MYCBP2: variants seen among roughly 807,000 people sequenced by gnomAD.
MYCBP2 encodes E3 ubiquitin-protein ligase MYCBP2.
Under a neutral mutation model 525.3 loss-of-function variants are expected in MYCBP2, and 120 were observed. The ratio of observed to expected loss-of-function variants is 0.23; its 90% CI spans 0.20 to 0.27. The LOEUF (loss-of-function observed/expected upper bound fraction) is 0.27. MYCBP2 is among the 10% of genes least tolerant of loss of function. The pLI is 1.00. For missense variants in MYCBP2, 4,149 were observed against 5,657.1 expected, an observed-to-expected ratio of 0.73 and a Z score of 8.55; for synonymous variants, 1,894 against 1,955.8, an observed-to-expected ratio of 0.97 and a Z score of 0.83.
intron 14 of MYCBP2, among the ~76,000 whole-genome samples, chr13:77,256,994 A>G (rs971284383): frequency 2.0e-5 from 3 of 152,180 alleles, no homozygotes; most frequent in East Asian, 1.9e-4. Flanking sequence ...GTGTCCATCA[A>G]CAGATGAGTG....
intron 18 of MYCBP2, among the ~76,000 whole-genome samples, chr13:77,228,506 C>CAA (rs60998294): frequency 2.2e-3 from 214 of 95,550 alleles, no homozygotes; most frequent in African/African-American, 7.2e-3. Flanking sequence ...GACCCTGTCT[C>CAA]AAAAAAAAAA....
In MYCBP2 at chr13:77,067,743, C is replaced by T. The variant is rs1049824851; in HGVS notation, c.12293G>A (p.Gly4098Glu). 1.2e-5 allele frequency: 20 copies of T among 1,614,006 alleles called. No individual in the cohort carries two copies. The highest frequency in any genetic ancestry group is 1.7e-5 in the Admixed American group (1 of 60,002). Reference sequence around the variant, plus strand: ...CAAGATACCCAGCTTATTCCAGTCTCCTTTCTCTGTTGAGTGAATGATATC... The same window carrying T: ...CAAGATACCCAGCTTATTCCAGTCTTCTTTCTCTGTTGAGTGAATGATATC... ...ISDIIHSTEKGDWNKLGILDM... is the reference protein window; with the variant it reads ...ISDIIHSTEKEDWNKLGILDM... Residue 4098 changes from glycine (G) to glutamate (E), a missense_variant, in exon 71 of 83, where the codon GGA (glycine) becomes GAA (glutamate). By Grantham distance (98) the Gly-to-Glu change is moderately conservative. Transcript: ENST00000544440.
At position 77,326,634 on chromosome 13, in the gene MYCBP2, C is replaced by A. The variant is rs1269880963; in HGVS notation, c.142G>T (p.Ala48Ser). The change falls in exon 1 of 83, where the codon GCT (alanine) becomes TCT (serine). Residue 48 changes from alanine (A) to serine (S), a missense_variant. By Grantham distance (99) the Ala-to-Ser change is moderately conservative. Coordinates refer to ENST00000544440, the MANE Select transcript of MYCBP2 (RefSeq NM_015057.5). The surrounding 1 kb of genome is among the most constrained non-coding windows in gnomAD (Gnocchi z 4.2). Reference sequence around the variant, plus strand: ...GGTAGCCCCAGCCCCAGCCCCGCAGCAGCCACGGAGCCGTCGGGAACCGGC... The same window carrying A: ...GGTAGCCCCAGCCCCAGCCCCGCAGAAGCCACGGAGCCGTCGGGAACCGGC... Reference protein sequence around the residue: ...FMPVPDGSVAAAGLGLGLPAA... With the variant: ...FMPVPDGSVASAGLGLGLPAA... 2 of 1,554,786 alleles carry A rather than the reference C, an allele frequency of 1.3e-6. No homozygotes were observed. The highest frequency in any genetic ancestry group is 1.9e-5 in the Admixed American group (1 of 52,072).
At chr13:77,224,403 C>T (rs1007587200) in intron 20 of MYCBP2, 48 bp downstream of exon 20, 1 of 1,163,586 alleles carries the variant, frequency 8.6e-7, no homozygotes, top group African/African-American at 1.6e-5. Context: ...GAAAAGAAAA[C>T]AGAAGAAAAA....
chr13:77,297,450 A>G (rs2078310250), intron 1 of MYCBP2, among the ~76,000 whole-genome samples: 1 of 152,174 alleles, frequency 6.6e-6, no homozygotes, highest in Non-Finnish European at 1.5e-5. Context: ...AATAAAGAAA[A>G]AAGGATGAAG....
intron 33 of MYCBP2, among the ~76,000 whole-genome samples, chr13:77,181,103 G>C (rs1453957175): frequency 2.0e-5 from 3 of 152,044 alleles, no homozygotes; most frequent in Non-Finnish European, 2.9e-5. Flanking sequence ...TTCCTAAGTG[G>C]AGATAAGAAA....
At chr13:77,295,673 C>T (rs1416407175) in intron 2 of MYCBP2, among the ~76,000 whole-genome samples, 6 of 152,130 alleles carry the variant, frequency 3.9e-5, no homozygotes, top group Admixed American at 3.3e-4. Flanking sequence ...ATCATAGTTA[C>T]GACTCCTCTC....
chr13:77,094,278 A>G (rs994563304), intron 58 of MYCBP2, among the ~76,000 whole-genome samples: 3 of 152,160 alleles, frequency 2.0e-5, no homozygotes, highest in Non-Finnish European at 4.4e-5. Flanking sequence ...TGGTATATGA[A>G]AGGCTCTTTT....
chr13:77,087,389 T>C (rs1401099017), intron 62 of MYCBP2, 95 bp downstream of exon 62: 3 of 1,072,782 alleles, frequency 2.8e-6, no homozygotes, highest in South Asian at 1.6e-5. Context: ...TCAAGTTAGA[T>C]CTGCGAATGA....
Position 77,171,523 on chromosome 13 carries a change from C to T in MYCBP2, c.5763G>A (p.Lys1921=), listed in dbSNP as rs1170719366. 1.9e-6 allele frequency: 3 copies of T among 1,613,966 alleles called. No individual in the cohort carries two copies. The South Asian group carries it at 3.3e-5, about 18-fold the overall frequency. The part of the protein sequence containing the change: ...SVVSTVVRAS[K]DLLHRALAVD... ...CAGCAAGAGCTCTGTGCAGGAGGTC[C>T]TTAGAGGCTCGAACGACAGTGCTTA... Residue 1921 remains lysine (K), a synonymous_variant, in exon 38 of 83, where the codon AAG becomes AAA. Transcript: ENST00000544440.
At position 77,078,993 on chromosome 13, in the gene MYCBP2, T is replaced by C. The variant is rs1937650061; in HGVS notation, c.11419-104A>G. The C allele has an allele frequency of 4.3e-6, 4 of 928,666 alleles. No homozygotes were observed. The Admixed American group carries it at 7.4e-5, about 17-fold the overall frequency. 57.5% of individuals were successfully genotyped at this position (928,666 alleles called of 1,614,324 possible). A position where few individuals can be genotyped will look rare whatever the true frequency, so the allele number is the denominator to read the frequency against. ...TACCACATCAACTCTTCTGCCTGTC[T>C]CTTATGGTCCTTCCTGATTGACCCC... On this transcript the variant is annotated intron_variant, in intron 65 of 82. Transcript: ENST00000544440.
In MYCBP2 at chr13:77,165,274, T is replaced by A; in HGVS notation, c.6458A>T (p.Glu2153Val). Reference protein sequence around the residue: ...IGYEFSPGPDEGVIQLEKELA... With the variant: ...IGYEFSPGPDVGVIQLEKELA... ...AATGAAAAGATAATTCATTCTTACC[T>A]CATCAGGTCCAGGGCTAAATTCATA... is the stretch of plus-strand genomic sequence containing the variant. The change falls in exon 42 of 83, where the codon GAG (glutamate) becomes GTG (valine). Residue 2153 changes from glutamate (E) to valine (V), a missense_variant and splice_region_variant. By Grantham distance (121) the Glu-to-Val change is moderately radical. Coordinates refer to ENST00000544440, the MANE Select transcript of MYCBP2 (RefSeq NM_015057.5). 1 of 1,590,224 alleles carries A rather than the reference T, an allele frequency of 6.3e-7. No homozygotes were observed. Among genetic ancestry groups the A allele is most frequent in the Non-Finnish European group, 8.6e-7 (1 of 1,161,738 alleles).
intron 43 of MYCBP2, among the ~76,000 whole-genome samples, chr13:77,163,868 C>CG (rs748686015): frequency 2.0e-4 from 31 of 152,076 alleles, no homozygotes; most frequent in Non-Finnish European, 4.4e-4. Context: ...CAGGAGCATC[C>CG]CCTCTCCTGG....
intron 12 of MYCBP2, 135 bp downstream of exon 12, chr13:77,261,036 A>G: frequency 1.5e-6 from 1 of 645,496 alleles, no homozygotes; most frequent in Non-Finnish European, 2.6e-6. Context: ...TTAAGCAGTT[A>G]CATCAAGTCA....
At chr13:77,056,859 T>G (rs1340531) in intron 79 of MYCBP2, 127 bp downstream of exon 79, 78,047 of 662,922 alleles carry the variant, frequency 0.12, 5,240 homozygotes, top group Admixed American at 0.24. Flanking sequence ...TCCACATGAA[T>G]GAGAAGGGAA....
chr13:77,066,563 C>T (rs1184560612), intron 71 of MYCBP2, among the ~76,000 whole-genome samples: 2 of 152,206 alleles, frequency 1.3e-5, no homozygotes, highest in Non-Finnish European at 2.9e-5. Context: ...GTCTCTAATT[C>T]TCTACTGTTA....
chr13:77,112,334 T>C (rs1795930210), intron 55 of MYCBP2, among the ~76,000 whole-genome samples: 1 of 146,772 alleles, frequency 6.8e-6, no homozygotes, highest in African/African-American at 2.5e-5. Context: ...GTTTTATTTA[T>C]ATAATATATA....
intron 13 of MYCBP2, among the ~76,000 whole-genome samples, chr13:77,259,748 C>G (rs1458159117): frequency 6.6e-6 from 1 of 152,162 alleles, no homozygotes; most frequent in Non-Finnish European, 1.5e-5. Flanking sequence ...TACAAAGAAA[C>G]TCAAAGGCTT....
chr13:77,163,469 A>G (rs1041651274), intron 43 of MYCBP2, among the ~76,000 whole-genome samples: 8 of 152,188 alleles, frequency 5.3e-5, no homozygotes, highest in Admixed American at 3.9e-4. Context: ...GTAATCTTCA[A>G]TGAAGGAGTA....
Sources: gnomAD v4.1 joint callset for allele counts (sites outside exome capture counted in the v4.1 genomes callset) on GRCh38, gnomAD v4.1.1 for gene constraint, Gnocchi (gnomAD v3.1) non-coding constraint, MANE v1.5 for transcripts, NCBI Gene and HGNC (gene_info 2026-07-23, HGNC 2026-07-21) for gene names.